The following ABCB1 variants were observed in gnomAD, a reference collection of about 807,000 sequenced individuals.
ABCB1 encodes the protein ATP-dependent translocase ABCB1.
In ABCB1, 69 loss-of-function variants were observed where a neutral mutation model predicts 142.0. The observed-to-expected ratio is 0.49, with a 90% CI of 0.40 to 0.59. The LOEUF (loss-of-function observed/expected upper bound fraction) is 0.59. Ranked by LOEUF, ABCB1 falls within the 20% of genes least tolerant of loss-of-function variation. The pLI, the probability that ABCB1 is intolerant of heterozygous loss-of-function variation, is 0.00. For missense variants in ABCB1, 1,326 were observed against 1,554.7 expected (o/e 0.85, Z 2.47); for synonymous variants, 532 against 539.2 (o/e 0.99, Z 0.18).
intron 21 of ABCB1, 56 bp from the exon 22 acceptor site, chr7:87,520,932 T>C (rs550617382): frequency 7.7e-7 from 1 of 1,305,470 alleles, no homozygotes; most frequent in African/African-American, 1.5e-5. Flanking sequence ...TGGTGATTAA[T>C]TTGAATTCTA....
At chr7:87,649,889 C>T (rs1260844451) in intron 1 of ABCB1, among the ~76,000 whole-genome samples, 1 of 152,158 alleles carries the variant, frequency 6.6e-6, no homozygotes, top group Non-Finnish European at 1.5e-5. Flanking sequence ...CACATGCTCT[C>T]TTGCGTGCTG....
chr7:87,626,920 C>T (rs1466491595), intron 1 of ABCB1, among the ~76,000 whole-genome samples: 2 of 151,922 alleles, frequency 1.3e-5, no homozygotes, highest in African/African-American at 2.4e-5. Context: ...CCACTACAGG[C>T]GCGTGCCACC....
At chr7:87,521,884 A>G (rs1476881702) in intron 21 of ABCB1, 7 of 772,380 alleles carry the variant, frequency 9.1e-6, no homozygotes, top group African/African-American at 8.4e-5. Flanking sequence ...TGACCAAGGC[A>G]GTGATAAGAA....
chr7:87,568,512 C>T lies in ABCB1; in HGVS notation c.339-1536G>A, dbSNP rs1447628332. Among the ~76,000 whole-genome samples the T allele has an allele frequency of 3.3e-5, 5 of 151,960 alleles. No homozygotes were observed. In the East Asian group the frequency reaches 9.7e-4, roughly 29 times the overall value. ...AATAAAATACAGTATTCCAATATTC[C>T]CACTTTTTAAACTTCACTACTTACC... On this transcript the variant is annotated intron_variant, in intron 5 of 27. Coordinates refer to ENST00000622132, the MANE Select transcript of ABCB1 (RefSeq NM_001348946.2).
chr7:87,679,388 C>T (rs563775237), intron 1 of ABCB1, among the ~76,000 whole-genome samples: 9 of 149,308 alleles, frequency 6.0e-5, no homozygotes, highest in South Asian at 4.3e-4. Context: ...CCACCGTGCC[C>T]GGCCCCCAAC....
chr7:87,547,635 C>T lies in ABCB1; in HGVS notation c.1726-1611G>A, dbSNP rs542896793. ...GTGTAATCCCAGCACTTTGGGAGGC[C>T]GAGGCAGGTGGATCACCTGAGGTCA... On this transcript the variant is annotated intron_variant, in intron 14 of 27. Coordinates refer to ENST00000622132, the MANE Select transcript of ABCB1 (RefSeq NM_001348946.2). 2.6e-3 allele frequency among the ~76,000 whole-genome samples: 390 copies of T among 151,830 alleles called. 2 individuals carry two copies. The highest frequency in any genetic ancestry group is 5.3e-3 in the Admixed American group (81 of 15,234).
chr7:87,504,534 C>T (rs917563479), intron 27 of ABCB1, 85 bp from the exon 28 acceptor site: 36 of 1,547,424 alleles, frequency 2.3e-5, no homozygotes, highest in Non-Finnish European at 2.9e-5. Flanking sequence ...GTAGGACGGG[C>T]ATGGTGGCTC....
chr7:87,696,959 C>T (rs1218634380), intron 1 of ABCB1, among the ~76,000 whole-genome samples: 1 of 152,202 alleles, frequency 6.6e-6, no homozygotes, highest in African/African-American at 2.4e-5. Context: ...TTTTCTGTCT[C>T]TGTTTTCTCT....
At chr7:87,691,936 A>G (rs1828053277) in intron 1 of ABCB1, among the ~76,000 whole-genome samples, 1 of 152,204 alleles carries the variant, frequency 6.6e-6, no homozygotes, top group African/African-American at 2.4e-5. Flanking sequence ...AAATTTGACT[A>G]CATTAGATAA....
intron 4 of ABCB1, among the ~76,000 whole-genome samples, chr7:87,577,990 T>C (rs1264413102): frequency 1.3e-5 from 2 of 152,230 alleles, no homozygotes; most frequent in African/African-American, 4.8e-5. Context: ...AAGAAATCTT[T>C]GCCCAATCTA....
chr7:87,646,759 TTG>T lies in ABCB1; in HGVS notation c.-330-45683_-330-45682del, dbSNP rs528842108. Reference sequence around the variant, plus strand: ...TTGCCAGGGATTGGCAGCATTATTCTTGTGTATTGTCACTGAGATGGACGTAG... The same window carrying T: ...TTGCCAGGGATTGGCAGCATTATTCTTGTATTGTCACTGAGATGGACGTAG... On this transcript the variant is annotated intron_variant, in intron 1 of 28. Transcript: ENST00000265724. 8.4e-3 allele frequency among the ~76,000 whole-genome samples: 1,272 copies of T among 152,326 alleles called. 10 individuals are homozygous for T. The highest frequency in any genetic ancestry group is 0.015 in the Admixed American group (222 of 15,310).
At chr7:87,636,053 A>G (rs1220956528) in intron 1 of ABCB1, among the ~76,000 whole-genome samples, 6 of 152,034 alleles carry the variant, frequency 3.9e-5, no homozygotes, top group African/African-American at 1.4e-4. Flanking sequence ...ATTCATTCAT[A>G]TTTATTTTTG....
At chr7:87,663,045 A>G (rs1273064248) in intron 1 of ABCB1, among the ~76,000 whole-genome samples, 1 of 151,912 alleles carries the variant, frequency 6.6e-6, no homozygotes, top group Non-Finnish European at 1.5e-5. Context: ...CAGATTGTTC[A>G]CTGTTGGCAT....
Position 87,509,194 on chromosome 7 carries a change from A to G in ABCB1, c.3489+81T>C, listed in dbSNP as rs1267281085. 3.5e-6 allele frequency: 5 copies of G among 1,439,004 alleles called. No individual in the cohort carries two copies. The East Asian group carries it at 1.1e-4, about 33-fold the overall frequency. 89.1% of individuals were successfully genotyped at this position (1,439,004 alleles called of 1,614,324 possible). ...TTGCTAATTTCTCTTCACTTCTGGG[A>G]GACCAGCCCCTTATAAATCAAACTA... On this transcript the variant is annotated intron_variant, in intron 26 of 27. Transcript: ENST00000622132.
At chr7:87,641,438 T>C (rs1822442512) in intron 1 of ABCB1, among the ~76,000 whole-genome samples, 1 of 152,190 alleles carries the variant, frequency 6.6e-6, no homozygotes, top group South Asian at 2.1e-4. Flanking sequence ...ATGGTTAGTC[T>C]TGAACAACCT....
chr7:87,628,730 C>T (rs1820868225), intron 1 of ABCB1: 1 of 756,660 alleles, frequency 1.3e-6, no homozygotes, highest in Admixed American at 4.3e-5. Context: ...TTCCCGCGCC[C>T]CCACGGTTGC....
Position 87,622,202 on chromosome 7 carries a change from T to C in ABCB1, c.-330-21124A>G, listed in dbSNP as rs1236085635. On this transcript the variant is annotated intron_variant, in intron 1 of 28. Transcript: ENST00000265724. The stretch of plus-strand genomic sequence containing the variant: ...AAGGCAAACAACGAACTGGGAAAAG[T>C]ATTTGCCATACATACAATAAACAAA... Among the ~76,000 whole-genome samples the C allele has an allele frequency of 2.0e-5, 3 of 152,148 alleles. No individual in the cohort carries two copies. The East Asian group carries it at 5.8e-4, about 29-fold the overall frequency.
intron 1 of ABCB1, among the ~76,000 whole-genome samples, chr7:87,708,117 T>C (rs1003733650): frequency 6.6e-6 from 1 of 151,912 alleles, no homozygotes; most frequent in East Asian, 1.9e-4. Context: ...AAAAAAGAAA[T>C]ACATTAAAGT....
intron 1 of ABCB1, among the ~76,000 whole-genome samples, chr7:87,705,710 G>A (rs1372174963): frequency 6.6e-6 from 1 of 152,054 alleles, no homozygotes; most frequent in African/African-American, 2.4e-5. Context: ...TATCTCAGCA[G>A]GCACTGACTT....
Sources: gnomAD v4.1 joint callset for allele counts (sites outside exome capture counted in the v4.1 genomes callset) on GRCh38, gnomAD v4.1.1 for gene constraint, MANE v1.5 for transcripts, NCBI Gene and HGNC (gene_info 2026-07-23, HGNC 2026-07-21) for gene names.